LRRC37A2: variants seen among roughly 807,000 people sequenced by gnomAD.
LRRC37A2 encodes the protein leucine rich repeat containing 37 member A2.
In LRRC37A2, 9 loss-of-function variants were observed where a neutral mutation model predicts 68.8. The ratio of observed to expected loss-of-function variants is 0.13; its 90% confidence interval spans 0.08 to 0.23. LRRC37A2 has a LOEUF of 0.23. Among genes scored for constraint, LRRC37A2 ranks in the 10% least tolerant of loss-of-function variants. The probability of loss-of-function intolerance (pLI) is 1.00; values close to 1 mark genes in which losing one functional copy is unlikely to be tolerated. For synonymous variants in LRRC37A2, 63 were observed against 367.6 expected (o/e 0.17, Z 9.48); for missense variants, 168 against 950.4 (o/e 0.18, Z 10.82).
At chr17:46,501,456 T>TGG in the LRRC37A2 span, among the ~76,000 whole-genome samples, 1 of 151,254 alleles carries the variant, frequency 6.6e-6, no homozygotes, top group Admixed American at 6.6e-5. Context: ...ACTACAGGTG[T>TGG]GGGCCACCAC....
intron 6 of LRRC37A2, among the ~76,000 whole-genome samples, chr17:46,534,968 C>T (rs1218965888): frequency 4.7e-5 from 7 of 148,972 alleles, no homozygotes; most frequent in African/African-American, 7.7e-5. Context: ...ACTTCTCAGA[C>T]GGGGCGGCCA....
At chr17:46,937,875 AT>A in the LRRC37A2 span, 1 of 152,804 alleles carries the variant, frequency 6.5e-6, no homozygotes, top group Non-Finnish European at 1.5e-5. Context: ...GTATTTATTT[AT>A]GTATTTTTTG....
At chr17:47,005,401 T>G in the LRRC37A2 span, among the ~76,000 whole-genome samples, 1 of 152,208 alleles carries the variant, frequency 6.6e-6, no homozygotes, top group Middle Eastern at 3.2e-3. Context: ...CGTGAGCAAC[T>G]GTTAAGTCTG....
the LRRC37A2 span, among the ~76,000 whole-genome samples, chr17:46,731,221 A>G: frequency 6.6e-6 from 1 of 152,200 alleles, no homozygotes; most frequent in South Asian, 2.1e-4. Flanking sequence ...TGCTAAGCAA[A>G]AGGAGCCAGT....
chr17:46,734,193 A>G, the LRRC37A2 span, among the ~76,000 whole-genome samples: 1 of 152,228 alleles, frequency 6.6e-6, no homozygotes, highest in Non-Finnish European at 1.5e-5. Context: ...TAAGCAGATA[A>G]TGGAAGAGAC....
chr17:46,760,465 T>TAA, the LRRC37A2 span, among the ~76,000 whole-genome samples: 2 of 142,022 alleles, frequency 1.4e-5, no homozygotes, highest in Admixed American at 1.4e-4. Flanking sequence ...ACCTCATCTC[T>TAA]AAAAAAAAAA....
At chr17:46,830,186 C>T in the LRRC37A2 span, among the ~76,000 whole-genome samples, 4 of 152,128 alleles carry the variant, frequency 2.6e-5, no homozygotes, top group African/African-American at 9.7e-5. Context: ...CCTACCATAG[C>T]CTCCCCACCC....
chr17:46,708,822 A>AT, the LRRC37A2 span, among the ~76,000 whole-genome samples: 354 of 108,854 alleles, frequency 3.3e-3, 14 homozygotes, highest in African/African-American at 0.011. Flanking sequence ...ATATATATAT[A>AT]TTTTTTTTTT....
chr17:46,976,599 T>C, the LRRC37A2 span, among the ~76,000 whole-genome samples: 1 of 152,114 alleles, frequency 6.6e-6, no homozygotes, highest in African/African-American at 2.4e-5. Flanking sequence ...ACTCGTTCTC[T>C]TCTCGCCCCA....
the LRRC37A2 span, chr17:46,769,843 G>C: frequency 1.2e-6 from 2 of 1,613,362 alleles, no homozygotes; most frequent in Non-Finnish European, 1.7e-6. Context: ...GCCTGTTCTC[G>C]CGCGCATCCG....
the LRRC37A2 span, among the ~76,000 whole-genome samples, chr17:46,890,185 C>T: frequency 6.6e-6 from 1 of 152,164 alleles, no homozygotes; most frequent in South Asian, 2.1e-4. Context: ...AGTCTTGTGC[C>T]GACTAATCAT....
the LRRC37A2 span, among the ~76,000 whole-genome samples, chr17:46,861,303 C>T: frequency 6.6e-6 from 1 of 152,142 alleles, no homozygotes; most frequent in Admixed American, 6.5e-5. Flanking sequence ...GTAGAGACCT[C>T]GGGGCCCTGC....
the LRRC37A2 span, among the ~76,000 whole-genome samples, chr17:47,040,055 G>A: frequency 6.6e-6 from 1 of 151,940 alleles, no homozygotes; most frequent in African/African-American, 2.4e-5. Flanking sequence ...TCTATTTGAT[G>A]AGACATTGCT....
At chr17:46,960,324 A>T in the LRRC37A2 span, among the ~76,000 whole-genome samples, 2 of 152,218 alleles carry the variant, frequency 1.3e-5, no homozygotes, top group African/African-American at 4.8e-5. Context: ...CATACATACA[A>T]ACAAACACAA....
At chr17:46,956,366 C>T in the LRRC37A2 span, among the ~76,000 whole-genome samples, 4 of 147,490 alleles carry the variant, frequency 2.7e-5, no homozygotes, top group East Asian at 2.0e-4. Flanking sequence ...TCTTAGCTCA[C>T]TGCAACCTCC....
chr17:46,873,130 AC>A, the LRRC37A2 span, among the ~76,000 whole-genome samples: 1 of 142,512 alleles, frequency 7.0e-6, no homozygotes, highest in Non-Finnish European at 1.5e-5. Context: ...ACACACACAC[AC>A]ACGAAACAAG....
the LRRC37A2 span, chr17:46,923,044 A>G: frequency 3.0e-6 from 2 of 676,644 alleles, no homozygotes; most frequent in South Asian, 3.2e-5. Context: ...CCGATCTCGC[A>G]ACCACTGCTA....
chr17:46,998,717 G>C, the LRRC37A2 span: 2 of 152,248 alleles, frequency 1.3e-5, no homozygotes, highest in Non-Finnish European at 2.9e-5. Context: ...CTTCGACCTT[G>C]TTCTGATGCC....
At chr17:46,755,301 C>T in the LRRC37A2 span, 11 of 1,608,418 alleles carry the variant, frequency 6.8e-6, no homozygotes, top group Admixed American at 1.7e-5. Context: ...TTCATTTCTT[C>T]TGATGTATTT....
Sources: allele counts gnomAD v4.1 joint callset (sites outside exome capture counted in the v4.1 genomes callset), GRCh38; gene constraint gnomAD v4.1.1; transcripts MANE v1.5; gene names NCBI Gene and HGNC (gene_info 2026-07-23, HGNC 2026-07-21).